Variants in ABLIM1 observed in about 807,000 individuals in gnomAD.
ABLIM1 encodes actin binding LIM protein 1, also known as actin-binding LIM protein 1.
In ABLIM1, 40 loss-of-function variants were observed where a neutral mutation model predicts 107.0. That is an observed-to-expected ratio of 0.37 (90% CI 0.29 to 0.49). The LOEUF (loss-of-function observed/expected upper bound fraction) is 0.49, where lower values mean the gene tolerates loss of function less well. ABLIM1 is among the 20% of genes least tolerant of loss of function. ABLIM1 has a pLI of 0.97. For synonymous variants in ABLIM1, 357 were observed against 357.3 expected, an observed-to-expected ratio of 1.00 and a Z score of 0.01; for missense variants, 857 against 1,008.5, an observed-to-expected ratio of 0.85 and a Z score of 2.04.
chr10:114,510,933 G>GA (rs2061768401), intron 6 of ABLIM1, among the ~76,000 whole-genome samples: 1 of 152,006 alleles, frequency 6.6e-6, no homozygotes, highest in African/African-American at 2.4e-5. Context: ...TTACAGGCCT[G>GA]AGCCATTGTG....
chr10:114,438,056 C>T (rs2059677677), intron 21 of ABLIM1, 132 bp from the exon 22 acceptor site: 1 of 803,320 alleles, frequency 1.2e-6, no homozygotes, highest in Non-Finnish European at 2.0e-6. Flanking sequence ...AGTGATGGGT[C>T]TTCCTTCTGC....
rs1000026487 is a variant in ABLIM1, at chr10:114,432,022, A to G, written c.*4238T>C. ...CAAAGTGAAGGTTTCTCTTTCTTCT[A>G]TCACAACATAGTTGGGTAGTTCCCT... On this transcript the variant is annotated 3_prime_UTR_variant, in exon 23 of 23. Transcript: ENST00000533213. 1.3e-5 allele frequency: 2 copies of G among 152,210 alleles called. No homozygotes were observed. Among genetic ancestry groups the G allele is most frequent in the African/African-American group, 4.8e-5 (2 of 41,462 alleles). The allele number at this position is 152,210 out of a possible 1,614,324, so 9.4% of individuals were successfully genotyped here. A position where few individuals can be genotyped will look rare whatever the true frequency, so the allele number is the denominator to read the frequency against.
Position 114,437,906 on chromosome 10 carries a change from G to A in ABLIM1, c.2161C>T (p.Leu721Phe). The change falls in exon 22 of 23, where the codon CTC becomes TTC. Residue 721 changes from leucine (L) to phenylalanine (F), a missense_variant. Leu to Phe is a conservative substitution (Grantham distance 22). Transcript: ENST00000533213. ...TTTCGCCCTCTGTTGGTCACCATGA[G>A]CATTTCATATGGAAATATCTGAGAA... The part of the protein sequence containing the change: ...LEPKIFPYEM[L>F]MVTNRGRNKI... The A allele has an allele frequency of 6.2e-7, 1 of 1,613,968 alleles. No homozygotes were observed. Among genetic ancestry groups the A allele is most frequent in the Non-Finnish European group, 8.5e-7 (1 of 1,179,914 alleles).
At chr10:114,550,045 T>C (rs2067856080) in intron 4 of ABLIM1, among the ~76,000 whole-genome samples, 1 of 152,314 alleles carries the variant, frequency 6.6e-6, no homozygotes, top group Non-Finnish European at 1.5e-5. Flanking sequence ...ACCATGATAA[T>C]GTAAAAAATT....
In ABLIM1 at chr10:114,694,685, G is replaced by GA. The variant is rs202085876; in HGVS notation, c.-213+73375dup. Among the ~76,000 whole-genome samples, 733 of 150,180 alleles carry GA rather than the reference G, an allele frequency of 4.9e-3. 16 individuals carry two copies. The highest frequency in any genetic ancestry group is 0.042 in the East Asian group (214 of 5,132). ...ATTATTGTTATTATTCTTTAAACAA[G>GA]AAAAAAAAAGACATTAAGTACTAAA... is the stretch of plus-strand genomic sequence containing the variant. On this transcript the variant is annotated intron_variant, in intron 1 of 15. Coordinates refer to the ABLIM1 transcript ENST00000651092.
chr10:114,556,078 A>G (rs542691546), intron 4 of ABLIM1, among the ~76,000 whole-genome samples: 68 of 151,010 alleles, frequency 4.5e-4, no homozygotes, highest in Non-Finnish European at 9.2e-4. Context: ...AGCTCCAAGA[A>G]AAAAAAAAAC....
upstream of ABLIM1, among the ~76,000 whole-genome samples, chr10:114,686,374 A>T (rs2080935697): frequency 6.6e-6 from 1 of 151,978 alleles, no homozygotes; most frequent in African/African-American, 2.4e-5. Context: ...TTAGGCAGGC[A>T]TGGCGGCCTG....
intron 1 of ABLIM1, among the ~76,000 whole-genome samples, chr10:114,666,011 A>G (rs1591779475): frequency 6.6e-6 from 1 of 152,210 alleles, no homozygotes; most frequent in African/African-American, 2.4e-5. Flanking sequence ...TACCTTTTCT[A>G]ACAATGGAGA....
At chr10:114,690,688 A>AT (rs542274760) in intron 1 of ABLIM1, 23,674 of 389,930 alleles carry the variant, frequency 0.061, 8 homozygotes, top group Middle Eastern at 0.073. Context: ...GCAAAAGCCT[A>AT]TTTTTTTTTT....
At chr10:114,708,135 A>C (rs574692036) in intron 1 of ABLIM1, among the ~76,000 whole-genome samples, 2 of 152,224 alleles carry the variant, frequency 1.3e-5, no homozygotes, top group South Asian at 4.2e-4. Flanking sequence ...GCGTTTAAAA[A>C]AGGAGCCCCC....
intron 19 of ABLIM1, 54 bp downstream of exon 19, chr10:114,440,963 C>A: frequency 2.0e-6 from 3 of 1,524,236 alleles, no homozygotes; most frequent in Non-Finnish European, 2.7e-6. Context: ...CTCTCATGAA[C>A]CTCAGCCTCG....
intron 12 of ABLIM1, among the ~76,000 whole-genome samples, chr10:114,459,240 AAAAAC>A (rs1435728520): frequency 1.3e-5 from 2 of 152,172 alleles, no homozygotes; most frequent in Admixed American, 6.5e-5. Context: ...CACATCCATT[AAAAAC>A]AAAACAAAAC....
chr10:114,766,914 T>C (rs7919367), intron 1 of ABLIM1, among the ~76,000 whole-genome samples: 56,990 of 152,038 alleles, frequency 0.37, 11,890 homozygotes, highest in Non-Finnish European at 0.47. Flanking sequence ...CAGAGCCCTA[T>C]GTCACCTCTG....
chr10:114,504,683 ACAT>A (rs2060892324), intron 6 of ABLIM1, among the ~76,000 whole-genome samples: 1 of 152,184 alleles, frequency 6.6e-6, no homozygotes, highest in Admixed American at 6.5e-5. Flanking sequence ...TTCTGCATGT[ACAT>A]CAAGAATGAT....
chr10:114,711,618 A>G (rs780093819), intron 1 of ABLIM1, among the ~76,000 whole-genome samples: 4 of 152,192 alleles, frequency 2.6e-5, no homozygotes, highest in Admixed American at 1.3e-4. Flanking sequence ...GGGTTCAGGT[A>G]AACCCACAAG....
chr10:114,718,113 A>AAG (rs1192817478), intron 1 of ABLIM1, among the ~76,000 whole-genome samples: 2 of 74,980 alleles, frequency 2.7e-5, no homozygotes, highest in Non-Finnish European at 7.0e-5. Flanking sequence ...AAGAAAAAGA[A>AAG]AGAAAGAAAA....
At chr10:114,454,897 C>A (rs2062514215) in intron 12 of ABLIM1, among the ~76,000 whole-genome samples, 1 of 152,252 alleles carries the variant, frequency 6.6e-6, no homozygotes, top group African/African-American at 2.4e-5. Context: ...TATTTTCTCC[C>A]AGTCTGTAGG....
At chr10:114,627,605 A>C (rs1396495898) in intron 1 of ABLIM1, among the ~76,000 whole-genome samples, 1 of 152,228 alleles carries the variant, frequency 6.6e-6, no homozygotes, top group African/African-American at 2.4e-5. Flanking sequence ...CTAAAGGAAA[A>C]GAAAGAACTA....
intron 4 of ABLIM1, 121 bp from the exon 5 acceptor site, chr10:114,547,897 A>G: frequency 7.6e-7 from 1 of 1,311,804 alleles, no homozygotes; most frequent in South Asian, 1.5e-5. Flanking sequence ...CTCAAGCACC[A>G]TCTCGGGTCA....
Sources: allele counts gnomAD v4.1 joint callset (sites outside exome capture counted in the v4.1 genomes callset), GRCh38; gene constraint gnomAD v4.1.1; transcripts MANE v1.5; gene names NCBI Gene and HGNC (gene_info 2026-07-23, HGNC 2026-07-21).